The following HS6ST2 variants were observed in gnomAD, a reference collection of about 807,000 sequenced individuals.
HS6ST2 encodes heparan-sulfate 6-O-sulfotransferase 2.
Under a neutral mutation model 33.0 loss-of-function variants are expected in HS6ST2, and 17 were observed. The observed-to-expected ratio is 0.52, with a 90% CI of 0.35 to 0.77. The LOEUF is 0.77. HS6ST2 is among the 30% of genes least tolerant of loss of function. HS6ST2 has a pLI of 0.01. For synonymous variants in HS6ST2, 248 were observed against 237.1 expected, an observed-to-expected ratio of 1.05 and a Z score of -0.42; for missense variants, 519 against 551.7, an observed-to-expected ratio of 0.94 and a Z score of 0.59.
chrX:132,738,289 C>T (rs1193922254), intron 2 of HS6ST2, among the ~76,000 whole-genome samples: 2 of 112,628 alleles, frequency 1.8e-5, no homozygotes, highest in Non-Finnish European at 3.7e-5. Flanking sequence ...CTTCCTTTGC[C>T]TAACTCACAG....
intron 2 of HS6ST2, among the ~76,000 whole-genome samples, chrX:132,819,485 G>A (rs1382937699): frequency 3.6e-5 from 4 of 111,885 alleles, no homozygotes; most frequent in African/African-American, 1.3e-4. Flanking sequence ...ACTAGCTAGT[G>A]TCCAGGCCCC....
chrX:132,701,242 A>C (rs1203410829), intron 3 of HS6ST2, among the ~76,000 whole-genome samples: 7 of 111,931 alleles, frequency 6.3e-5, no homozygotes, highest in Non-Finnish European at 1.3e-4. Flanking sequence ...AAATCATACA[A>C]GGACTCACTG....
intron 2 of HS6ST2, among the ~76,000 whole-genome samples, chrX:132,750,911 C>A (rs2064701043): frequency 8.9e-6 from 1 of 112,181 alleles, no homozygotes; most frequent in Non-Finnish European, 1.9e-5. Context: ...TCTGTTGCTA[C>A]TCAGATCTTT....
chrX:132,842,224 G>A (rs1386520444), intron 2 of HS6ST2, among the ~76,000 whole-genome samples: 1 of 111,602 alleles, frequency 9.0e-6, no homozygotes, highest in South Asian at 3.8e-4. Flanking sequence ...TCAGGCTGGC[G>A]AATGCTCCCT....
chrX:132,791,373 T>C (rs1401902176), intron 2 of HS6ST2, among the ~76,000 whole-genome samples: 1 of 111,972 alleles, frequency 8.9e-6, no homozygotes, highest in Non-Finnish European at 1.9e-5. Context: ...ATTGAATAAA[T>C]ATTTTTAGTT....
chrX:132,936,664 T>C (rs1377515199), intron 2 of HS6ST2, among the ~76,000 whole-genome samples: 1 of 111,174 alleles, frequency 9.0e-6, no homozygotes, highest in Non-Finnish European at 1.9e-5. Flanking sequence ...TACACTTAGA[T>C]ACAAAGAGAG....
chrX:132,782,998 T>C (rs934863761), intron 2 of HS6ST2, among the ~76,000 whole-genome samples: 2 of 111,489 alleles, frequency 1.8e-5, no homozygotes, highest in African/African-American at 3.3e-5. Flanking sequence ...TAACAATATG[T>C]ATATCCTTTT....
intron 3 of HS6ST2, among the ~76,000 whole-genome samples, chrX:132,670,370 T>C (rs2063858195): frequency 9.0e-6 from 1 of 111,662 alleles, no homozygotes; most frequent in South Asian, 3.8e-4. Context: ...CAGCTTCAAA[T>C]GACTTCATGG....
intron 2 of HS6ST2, among the ~76,000 whole-genome samples, chrX:132,798,825 G>A (rs1367960263): frequency 9.0e-6 from 1 of 111,307 alleles, no homozygotes; most frequent in Non-Finnish European, 1.9e-5. Flanking sequence ...GCACCCAGGG[G>A]ACAGAGTTAC....
intron 2 of HS6ST2, among the ~76,000 whole-genome samples, chrX:132,874,607 C>T (rs943834625): frequency 9.0e-6 from 1 of 111,436 alleles, no homozygotes; most frequent in Admixed American, 9.5e-5. Context: ...AAAAAAACAC[C>T]TTCCTTAGGG....
intron 3 of HS6ST2, among the ~76,000 whole-genome samples, chrX:132,701,756 C>G (rs767853545): frequency 8.9e-6 from 1 of 111,996 alleles, no homozygotes; most frequent in South Asian, 3.7e-4. Flanking sequence ...CTGGAAGAAT[C>G]CGAATGGCCT....
intron 2 of HS6ST2, among the ~76,000 whole-genome samples, chrX:132,952,029 G>A (rs927834332): frequency 1.8e-5 from 2 of 111,660 alleles, no homozygotes; most frequent in Non-Finnish European, 3.8e-5. Context: ...AGAAAAAAAC[G>A]GATGGCTATT....
At chrX:132,694,116 C>A (rs1206539216) in intron 3 of HS6ST2, among the ~76,000 whole-genome samples, 3 of 111,639 alleles carry the variant, frequency 2.7e-5, no homozygotes, top group Non-Finnish European at 5.6e-5. Flanking sequence ...GGGTACTAGA[C>A]AGACAAAAAT....
intron 2 of HS6ST2, among the ~76,000 whole-genome samples, chrX:132,714,018 C>T (rs2148255880): frequency 8.9e-6 from 1 of 112,127 alleles, no homozygotes; most frequent in South Asian, 3.8e-4. Flanking sequence ...ACTTGTACTA[C>T]CTTAAATGAC....
chrX:132,723,765 C>G (rs1315149791), intron 2 of HS6ST2, among the ~76,000 whole-genome samples: 4 of 111,962 alleles, frequency 3.6e-5, no homozygotes, highest in African/African-American at 1.3e-4. Flanking sequence ...TGGAACATGA[C>G]AAGGATGCCT....
chrX:132,843,743 C>T (rs5977768), intron 2 of HS6ST2, among the ~76,000 whole-genome samples: 16,173 of 111,117 alleles, frequency 0.15, 979 homozygotes, highest in East Asian at 0.33. Flanking sequence ...ATTCTAGCTG[C>T]CATGACTTTA....
chrX:132,891,707 A>C (rs766593790), intron 2 of HS6ST2, among the ~76,000 whole-genome samples: 22 of 111,718 alleles, frequency 2.0e-4, no homozygotes, highest in Admixed American at 7.6e-4. Flanking sequence ...CCTACAAAGG[A>C]CATGAACTCC....
chrX:132,863,510 G>T (rs1171223085), intron 2 of HS6ST2, among the ~76,000 whole-genome samples: 14 of 98,089 alleles, frequency 1.4e-4, no homozygotes, highest in Admixed American at 1.1e-4. Context: ...TTTTTTTTGA[G>T]ACGGGGTTTC....
intron 2 of HS6ST2, among the ~76,000 whole-genome samples, chrX:132,809,090 G>A (rs2065313587): frequency 8.9e-6 from 1 of 111,796 alleles, no homozygotes; most frequent in Non-Finnish European, 1.9e-5. Flanking sequence ...CTGGGTTCAA[G>A]CCATTCTCCT....
Sources: allele counts gnomAD v4.1 joint callset (sites outside exome capture counted in the v4.1 genomes callset), GRCh38; gene constraint gnomAD v4.1.1; transcripts MANE v1.5; gene names NCBI Gene and HGNC (gene_info 2026-07-23, HGNC 2026-07-21).